Variants in THSD7B observed in about 807,000 individuals in gnomAD.
THSD7B encodes the protein thrombospondin type-1 domain-containing protein 7B.
A neutral mutation model predicts 213.6 loss-of-function variants in THSD7B; 138 were observed. The observed-to-expected ratio is 0.65, with a 90% CI of 0.56 to 0.74. THSD7B has a LOEUF of 0.74. THSD7B is among the 30% of genes least tolerant of loss of function. THSD7B has a pLI of 0.00. For missense variants in THSD7B, 1,931 were observed against 1,991.5 expected, an observed-to-expected ratio of 0.97 and a Z score of 0.58; for synonymous variants, 742 against 687.0, an observed-to-expected ratio of 1.08 and a Z score of -1.25.
At chr2:137,143,035 A>G (rs933944113) in intron 5 of THSD7B, among the ~76,000 whole-genome samples, 1 of 152,158 alleles carries the variant, frequency 6.6e-6, no homozygotes, top group Non-Finnish European at 1.5e-5. Flanking sequence ...ACCAAGGTAT[A>G]TGTAATTGGC....
intron 2 of THSD7B, among the ~76,000 whole-genome samples, chr2:137,007,635 T>C (rs561687790): frequency 1.3e-5 from 2 of 152,152 alleles, no homozygotes; most frequent in Non-Finnish European, 2.9e-5. Context: ...CATTGACTGT[T>C]GCAAAGGTAC....
chr2:137,233,162 A>G (rs756430227), intron 9 of THSD7B, 29 bp downstream of exon 9: 25 of 1,572,036 alleles, frequency 1.6e-5, no homozygotes, highest in Non-Finnish European at 2.1e-5. Context: ...CTGAAAATGC[A>G]TTTGCTTATT....
chr2:137,528,464 T>A (rs1342688712), intron 15 of THSD7B, among the ~76,000 whole-genome samples: 1 of 152,164 alleles, frequency 6.6e-6, no homozygotes, highest in African/African-American at 2.4e-5. Flanking sequence ...TAATAACTGC[T>A]GGAATATTGT....
intron 2 of THSD7B, among the ~76,000 whole-genome samples, chr2:136,979,437 A>G (rs879633494): frequency 1.3e-5 from 2 of 152,016 alleles, no homozygotes; most frequent in Admixed American, 1.3e-4. Context: ...TCAGTCAATC[A>G]TAGGTTCTAT....
At chr2:136,855,991 T>A (rs922292022) in intron 1 of THSD7B, among the ~76,000 whole-genome samples, 6 of 63,922 alleles carry the variant, frequency 9.4e-5, no homozygotes, top group Non-Finnish European at 1.6e-4. Flanking sequence ...CTCAAGGAAG[T>A]TTTTCCCTAT....
At chr2:137,538,523 ATTG>A (rs1373584451) in intron 15 of THSD7B, 1 of 513,512 alleles carries the variant, frequency 1.9e-6, no homozygotes, top group African/African-American at 1.9e-5. Flanking sequence ...TTTGATCTTT[ATTG>A]TTTTTATTTA....
intron 2 of THSD7B, among the ~76,000 whole-genome samples, chr2:136,942,298 T>C (rs1189553507): frequency 3.9e-5 from 6 of 152,198 alleles, no homozygotes; most frequent in Non-Finnish European, 8.8e-5. Context: ...CCAGCTTTGT[T>C]ATTTTTGGTT....
intron 12 of THSD7B, among the ~76,000 whole-genome samples, chr2:137,404,474 T>TATATACACACAC (rs1306580538): frequency 7.5e-5 from 3 of 40,258 alleles, no homozygotes; most frequent in African/African-American, 4.0e-4. Context: ...TATATATATA[T>TATATACACACAC]ACACACACAC....
intron 12 of THSD7B, among the ~76,000 whole-genome samples, chr2:137,313,975 A>G (rs1228861523): frequency 6.6e-6 from 1 of 151,998 alleles, no homozygotes; most frequent in African/African-American, 2.4e-5. Flanking sequence ...GAATCTGACA[A>G]TTATGTGTCT....
At chr2:137,017,914 C>T (rs1266980665) in intron 2 of THSD7B, among the ~76,000 whole-genome samples, 1 of 151,730 alleles carries the variant, frequency 6.6e-6, no homozygotes, top group African/African-American at 2.4e-5. Context: ...TGTAATATTG[C>T]CAAAACTTCT....
intron 16 of THSD7B, among the ~76,000 whole-genome samples, chr2:137,569,782 C>T (rs564290866): frequency 3.0e-4 from 45 of 150,606 alleles, no homozygotes; most frequent in Admixed American, 8.0e-4. Flanking sequence ...GGAGTAATGC[C>T]TTTCCCTCCC....
intron 1 of THSD7B, among the ~76,000 whole-genome samples, chr2:136,767,915 C>T (rs576708888): frequency 1.6e-4 from 24 of 152,178 alleles, no homozygotes; most frequent in African/African-American, 5.3e-4. Flanking sequence ...AATCTTCTGG[C>T]CCATTGTTTT....
chr2:137,654,804 C>A (rs987252760), intron 21 of THSD7B, among the ~76,000 whole-genome samples: 1 of 152,156 alleles, frequency 6.6e-6, no homozygotes, highest in Non-Finnish European at 1.5e-5. Flanking sequence ...TCTATGCTGA[C>A]ATTTTGGAGC....
rs138365960 is a variant in THSD7B, at chr2:137,177,530, C to T, written c.1723+6592C>T. Among the ~76,000 whole-genome samples the T allele has an allele frequency of 7.3e-3, 1,114 of 152,206 alleles. 11 individuals carry two copies. Among genetic ancestry groups the T allele is most frequent in the Non-Finnish European group, 7.4e-3 (506 of 68,002 alleles). On this transcript the variant is annotated intron_variant, in intron 7 of 27. Coordinates refer to ENST00000409968, the MANE Select transcript of THSD7B (RefSeq NM_001316349.2). ...GTAGGCATCAGAATCACCTGGTGGG[C>T]TTGTAAAAACACATGTTTCCAGCCC...
intron 2 of THSD7B, among the ~76,000 whole-genome samples, chr2:136,994,976 A>T (rs1685857354): frequency 6.6e-6 from 1 of 152,220 alleles, no homozygotes; most frequent in South Asian, 2.1e-4. Flanking sequence ...ATGTGCTTTC[A>T]TGATGCCTGA....
chr2:136,830,627 A>G (rs1387540190), intron 1 of THSD7B, among the ~76,000 whole-genome samples: 1 of 152,124 alleles, frequency 6.6e-6, no homozygotes, highest in Non-Finnish European at 1.5e-5. Flanking sequence ...TCTTCTCTCT[A>G]TCCTTTCAGA....
At chr2:136,956,369 G>A (rs1316171210) in intron 2 of THSD7B, among the ~76,000 whole-genome samples, 1 of 152,208 alleles carries the variant, frequency 6.6e-6, no homozygotes, top group East Asian at 1.9e-4. Flanking sequence ...ATCTGGGAGA[G>A]ATCACTTATC....
At chr2:136,995,285 G>A (rs948587744) in intron 2 of THSD7B, among the ~76,000 whole-genome samples, 4 of 152,148 alleles carry the variant, frequency 2.6e-5, no homozygotes, top group African/African-American at 9.7e-5. Flanking sequence ...GGATGGTGTG[G>A]CAGGAGCTGG....
At chr2:136,854,014 A>G (rs897847322) in intron 1 of THSD7B, among the ~76,000 whole-genome samples, 1 of 152,180 alleles carries the variant, frequency 6.6e-6, no homozygotes, top group Admixed American at 6.5e-5. Context: ...TTTCTGGCAC[A>G]ACAGGATGCT....
Sources: gnomAD v4.1 joint callset for allele counts (sites outside exome capture counted in the v4.1 genomes callset) on GRCh38, gnomAD v4.1.1 for gene constraint, MANE v1.5 for transcripts, NCBI Gene and HGNC (gene_info 2026-07-23, HGNC 2026-07-21) for gene names.